The following ITGBL1 variants were observed in gnomAD, a reference collection of about 807,000 sequenced individuals.
ITGBL1 encodes the protein integrin subunit beta like 1.
In ITGBL1, 51 loss-of-function variants were observed where a neutral mutation model predicts 68.5. That is an observed-to-expected ratio of 0.74 (90% CI 0.59 to 0.94). The LOEUF (loss-of-function observed/expected upper bound fraction) is 0.94. Among genes scored for constraint, ITGBL1 ranks in the 40% least tolerant of loss-of-function variants. The pLI is 0.00. For missense variants in ITGBL1, 649 were observed against 647.4 expected (o/e 1.00, Z -0.03); for synonymous variants, 209 against 227.3 (o/e 0.92, Z 0.72).
chr13:101,677,448 C>T (rs2033532319), intron 7 of ITGBL1, among the ~76,000 whole-genome samples: 1 of 152,026 alleles, frequency 6.6e-6, no homozygotes, highest in Non-Finnish European at 1.5e-5. Context: ...TCTATTTCAG[C>T]CTCTTTAAAG....
chr13:101,639,258 A>G (rs1479550996), intron 7 of ITGBL1, among the ~76,000 whole-genome samples: 1 of 152,176 alleles, frequency 6.6e-6, no homozygotes, highest in African/African-American at 2.4e-5. Context: ...TTTCTATACC[A>G]TATTTTCTAC....
rs532593451 is a variant in ITGBL1, at chr13:101,701,754, C to G, written c.1133-5002C>G. On this transcript the variant is annotated intron_variant, in intron 8 of 10. Transcript: ENST00000376180. ...TAAGCCAGTCATGAAAAGAAAAACACTGTATGATTTCACTTATATAGGTAC... is the reference window on the plus strand; with the variant it reads ...TAAGCCAGTCATGAAAAGAAAAACAGTGTATGATTTCACTTATATAGGTAC... Among the ~76,000 whole-genome samples the G allele has an allele frequency of 3.9e-5, 6 of 152,086 alleles. No homozygotes were observed. The East Asian group carries it at 1.2e-3, about 29-fold the overall frequency.
At chr13:101,683,558 A>G (rs550949529) in intron 7 of ITGBL1, among the ~76,000 whole-genome samples, 22 of 152,092 alleles carry the variant, frequency 1.4e-4, no homozygotes, top group African/African-American at 5.1e-4. Context: ...CCTGGTTCAC[A>G]TGTGTATGCT....
intron 2 of ITGBL1, among the ~76,000 whole-genome samples, chr13:101,491,772 C>T (rs530377282): frequency 8.9e-4 from 135 of 152,272 alleles, no homozygotes; most frequent in African/African-American, 3.0e-3. Flanking sequence ...CTATCCTCCC[C>T]TTAGCCCTCC....
chr13:101,678,202 G>T (rs1196974535), intron 7 of ITGBL1, among the ~76,000 whole-genome samples: 4 of 152,172 alleles, frequency 2.6e-5, no homozygotes, highest in Non-Finnish European at 5.9e-5. Flanking sequence ...TCACATATGT[G>T]TAAACTCGTA....
At chr13:101,714,359 A>C (rs2034618750) in intron 9 of ITGBL1, 79 bp from the exon 10 acceptor site, 2 of 835,548 alleles carry the variant, frequency 2.4e-6, no homozygotes, top group East Asian at 2.4e-5. Context: ...GCCTGTTGTC[A>C]GTGTGTCAAC....
At chr13:101,585,232 T>C (rs1234753424) in intron 6 of ITGBL1, among the ~76,000 whole-genome samples, 1 of 152,036 alleles carries the variant, frequency 6.6e-6, no homozygotes, top group African/African-American at 2.4e-5. Flanking sequence ...TTTACTGAAA[T>C]AGGGAATATG....
intron 7 of ITGBL1, among the ~76,000 whole-genome samples, chr13:101,605,912 A>G (rs1279587024): frequency 7.1e-6 from 1 of 141,092 alleles, no homozygotes; most frequent in Non-Finnish European, 1.6e-5. Flanking sequence ...GTGTATATGT[A>G]CACATATATA....
chr13:101,617,737 C>A (rs896935447), intron 7 of ITGBL1, among the ~76,000 whole-genome samples: 3 of 152,118 alleles, frequency 2.0e-5, no homozygotes, highest in Non-Finnish European at 4.4e-5. Context: ...AATCAACCTT[C>A]AGCCGTATTA....
At chr13:101,569,914 G>A (rs917121650) in intron 3 of ITGBL1, among the ~76,000 whole-genome samples, 8 of 152,102 alleles carry the variant, frequency 5.3e-5, no homozygotes, top group African/African-American at 1.9e-4. Context: ...TCACAAATGT[G>A]CATTCTATGA....
At chr13:101,574,836 C>T (rs768458295) in intron 3 of ITGBL1, among the ~76,000 whole-genome samples, 5 of 152,030 alleles carry the variant, frequency 3.3e-5, no homozygotes, top group East Asian at 1.9e-4. Flanking sequence ...GAGTTACCAG[C>T]AATCCATGCC....
chr13:101,454,561 T>C (rs926398086), intron 2 of ITGBL1, among the ~76,000 whole-genome samples: 2 of 152,136 alleles, frequency 1.3e-5, no homozygotes, highest in Non-Finnish European at 2.9e-5. Flanking sequence ...AATTCCCCAA[T>C]GTCCTCACAA....
chr13:101,460,363 G>A (rs1425682619), intron 2 of ITGBL1, among the ~76,000 whole-genome samples: 1 of 152,182 alleles, frequency 6.6e-6, no homozygotes, highest in Non-Finnish European at 1.5e-5. Context: ...ATCGCTTGTA[G>A]TTTTTGGAAA....
chr13:101,459,477 C>T (rs1323179665), intron 2 of ITGBL1, among the ~76,000 whole-genome samples: 2 of 152,164 alleles, frequency 1.3e-5, no homozygotes, highest in Admixed American at 6.5e-5. Flanking sequence ...TGTGGTGGCT[C>T]ACACCTGTAA....
chr13:101,647,558 T>C (rs552558093), intron 7 of ITGBL1, among the ~76,000 whole-genome samples: 11 of 152,288 alleles, frequency 7.2e-5, no homozygotes, highest in African/African-American at 2.2e-4. Flanking sequence ...CCAGATCTCA[T>C]AGGGAAAAGA....
chr13:101,491,678 A>G (rs111690977), intron 2 of ITGBL1, among the ~76,000 whole-genome samples: 5 of 151,998 alleles, frequency 3.3e-5, no homozygotes, highest in African/African-American at 1.2e-4. Context: ...CAGAATGTGC[A>G]GGTTTGTTAC....
intron 7 of ITGBL1, among the ~76,000 whole-genome samples, chr13:101,683,578 A>G (rs1036120395): frequency 2.2e-4 from 33 of 151,934 alleles, no homozygotes; most frequent in African/African-American, 7.0e-4. Flanking sequence ...TTTTTTCTCT[A>G]GGGAACTTAC....
At chr13:101,524,657 T>TG (rs1286346562) in intron 2 of ITGBL1, among the ~76,000 whole-genome samples, 4 of 8,674 alleles carry the variant, frequency 4.6e-4, no homozygotes, top group African/African-American at 1.3e-3. Flanking sequence ...ATTCTTATTC[T>TG]TTTTTTTTTT....
At chr13:101,616,075 AAAAG>A (rs1056739741) in intron 7 of ITGBL1, among the ~76,000 whole-genome samples, 1 of 152,206 alleles carries the variant, frequency 6.6e-6, no homozygotes, top group East Asian at 1.9e-4. Context: ...TACAGCGTAA[AAAAG>A]AAAGAGAAAA....
Sources: allele counts gnomAD v4.1 joint callset (sites outside exome capture counted in the v4.1 genomes callset), GRCh38; gene constraint gnomAD v4.1.1; transcripts MANE v1.5; gene names NCBI Gene and HGNC (gene_info 2026-07-23, HGNC 2026-07-21).